The following SEMA3A variants were observed in gnomAD, a reference collection of about 807,000 sequenced individuals.
SEMA3A encodes the protein semaphorin 3A.
A neutral mutation model predicts 97.9 loss-of-function variants in SEMA3A; 29 were observed. The observed-to-expected ratio is 0.30, with a 90% CI of 0.22 to 0.40. The LOEUF is 0.40. Ranked by LOEUF, SEMA3A falls within the 10% of genes least tolerant of loss-of-function variation. SEMA3A has a pLI of 1.00. For synonymous variants in SEMA3A, 321 were observed against 323.7 expected, an observed-to-expected ratio of 0.99 and a Z score of 0.09; for missense variants, 763 against 951.3, an observed-to-expected ratio of 0.80 and a Z score of 2.60.
intron 2 of SEMA3A, among the ~76,000 whole-genome samples, chr7:84,340,775 C>G (rs370938155): frequency 7.5e-4 from 61 of 81,444 alleles, no homozygotes; most frequent in African/African-American, 2.5e-3. Flanking sequence ...AGCGAAACTC[C>G]ATCTCGGAAA....
chr7:83,987,588 G>T (rs79456473), intron 12 of SEMA3A, among the ~76,000 whole-genome samples: 6,341 of 152,174 alleles, frequency 0.042, 254 homozygotes, highest in East Asian at 0.23. Context: ...GATTTTGGCT[G>T]TTTATTTCAC....
chr7:84,418,389 G>T (rs1804490148), intron 1 of SEMA3A, among the ~76,000 whole-genome samples: 1 of 152,036 alleles, frequency 6.6e-6, no homozygotes, highest in South Asian at 2.1e-4. Flanking sequence ...TATGAGAACA[G>T]AAAGGGAAAG....
intron 4 of SEMA3A, among the ~76,000 whole-genome samples, chr7:84,067,708 C>G (rs1049797248): frequency 4.2e-4 from 64 of 152,130 alleles, no homozygotes; most frequent in Non-Finnish European, 2.6e-4. Flanking sequence ...AAATGCAAAT[C>G]AAAACCACAA....
upstream of SEMA3A, among the ~76,000 whole-genome samples, chr7:84,197,866 A>G (rs929375177): frequency 1.3e-5 from 2 of 150,274 alleles, no homozygotes; most frequent in Non-Finnish European, 2.9e-5. Context: ...CAGCCTCCCG[A>G]GTAGCTGGGA....
chr7:84,492,381 T>C (rs1214449010), intron 1 of SEMA3A: 2 of 152,100 alleles, frequency 1.3e-5, no homozygotes, highest in Non-Finnish European at 2.9e-5. Flanking sequence ...TTTTGCACAG[T>C]CTTTAGAGGA....
At position 84,014,370 on chromosome 7, in the gene SEMA3A, C is replaced by T. The variant is rs991908710; in HGVS notation, c.668-19G>A. The T allele has an allele frequency of 1.1e-5, 17 of 1,582,474 alleles. No homozygotes were observed. The highest frequency in any genetic ancestry group is 4.4e-5 in the South Asian group (4 of 89,906). On this transcript the variant is annotated intron_variant, in intron 6 of 16. Transcript: ENST00000265362. ...TTTGGATCTGAGAGACAAATAATAGCGTATATATTAATTCACAGCTTAATA... is the reference window on the plus strand; with the variant it reads ...TTTGGATCTGAGAGACAAATAATAGTGTATATATTAATTCACAGCTTAATA...
chr7:84,371,414 GT>G (rs1157379892), intron 2 of SEMA3A, among the ~76,000 whole-genome samples: 1 of 151,658 alleles, frequency 6.6e-6, no homozygotes, highest in Non-Finnish European at 1.5e-5. Context: ...GAATACTTGA[GT>G]TTTTTAGAAA....
At position 84,095,358 on chromosome 7, in the gene SEMA3A, C is replaced by CACATAT. The variant is rs1211794166; in HGVS notation, c.453+15111_453+15112insATATGT. 7.6e-3 allele frequency among the ~76,000 whole-genome samples: 935 copies of CACATAT among 122,850 alleles called. 18 individuals are homozygous for CACATAT. The highest frequency in any genetic ancestry group is 0.015 in the African/African-American group (432 of 28,984). The allele number at this position is 122,850 out of a possible 152,430, so 80.6% of individuals were successfully genotyped here. On this transcript the variant is annotated intron_variant, in intron 4 of 16. Coordinates refer to ENST00000265362, the MANE Select transcript of SEMA3A (RefSeq NM_006080.3). Reference sequence around the variant, plus strand: ...ATATATATTTTATATTTTTTATATACATATATATATATATATATATATATA... The same window carrying CACATAT: ...ATATATATTTTATATTTTTTATATACACATATATATATATATATATATATATATATA...
At chr7:84,173,972 C>A (rs1030026260) in intron 1 of SEMA3A, among the ~76,000 whole-genome samples, 1 of 152,054 alleles carries the variant, frequency 6.6e-6, no homozygotes, top group African/African-American at 2.4e-5. Flanking sequence ...GGAGCTGAGC[C>A]GGTGATGCTA....
chr7:84,159,939 A>G (rs955975978), intron 1 of SEMA3A, among the ~76,000 whole-genome samples: 2 of 152,202 alleles, frequency 1.3e-5, no homozygotes, highest in African/African-American at 4.8e-5. Flanking sequence ...TACTGAAACC[A>G]GTGTGAACAA....
chr7:84,468,631 T>C (rs903497903), intron 1 of SEMA3A, among the ~76,000 whole-genome samples: 1 of 152,140 alleles, frequency 6.6e-6, no homozygotes, highest in Non-Finnish European at 1.5e-5. Flanking sequence ...ATGTATAAAT[T>C]CTGAATGAGT....
Position 84,423,933 on chromosome 7 carries a change from C to A in SEMA3A, c.-245-52033G>T, listed in dbSNP as rs1444010780. On this transcript the variant is annotated intron_variant, in intron 1 of 3. Transcript: ENST00000424555. ...ATTATCAGGGGAATGCAAATTAAAA[C>A]CACAATGAGATAACACCTTACCCCA... is the stretch of plus-strand genomic sequence containing the variant. Among the ~76,000 whole-genome samples the A allele has an allele frequency of 1.3e-5, 2 of 151,660 alleles. 1 individual carries two copies. The highest frequency in any genetic ancestry group is 4.8e-5 in the African/African-American group (2 of 41,336).
At chr7:84,046,466 A>T (rs1792355837) in intron 5 of SEMA3A, 23 bp from the exon 6 acceptor site, 1 of 1,611,600 alleles carries the variant, frequency 6.2e-7, no homozygotes, top group African/African-American at 1.3e-5. Flanking sequence ...AAAACCACAT[A>T]CACATTCTTT....
intron 1 of SEMA3A, among the ~76,000 whole-genome samples, chr7:84,152,656 A>G (rs1796712624): frequency 6.6e-6 from 1 of 151,086 alleles, no homozygotes; most frequent in East Asian, 2.0e-4. Flanking sequence ...ACTAACCTGC[A>G]CAATGTGCAC....
intron 3 of SEMA3A, among the ~76,000 whole-genome samples, chr7:84,254,168 C>T (rs903399002): frequency 1.1e-4 from 17 of 152,060 alleles, no homozygotes; most frequent in African/African-American, 3.9e-4. Context: ...GTCTTTTATT[C>T]TAAACTTCTC....
At chr7:84,180,620 T>G (rs934549268) in intron 1 of SEMA3A, among the ~76,000 whole-genome samples, 11 of 151,754 alleles carry the variant, frequency 7.2e-5, no homozygotes, top group African/African-American at 1.9e-4. Context: ...CCCGGGAGGC[T>G]GAAGTTGCAG....
At chr7:84,122,590 A>C (rs1795660516) in intron 3 of SEMA3A, among the ~76,000 whole-genome samples, 1 of 152,204 alleles carries the variant, frequency 6.6e-6, no homozygotes, top group Non-Finnish European at 1.5e-5. Context: ...AGGTAATTCT[A>C]ATTATCCACT....
intron 1 of SEMA3A, among the ~76,000 whole-genome samples, chr7:84,183,293 C>T (rs1447671623): frequency 6.6e-6 from 1 of 152,056 alleles, no homozygotes; most frequent in Non-Finnish European, 1.5e-5. Context: ...TTCCTCTTGT[C>T]CTTGTGAAAT....
chr7:84,111,674 T>C lies in SEMA3A; in HGVS notation c.334-1085A>G, dbSNP rs145847702. On this transcript the variant is annotated intron_variant, in intron 3 of 16. Coordinates refer to ENST00000265362, the MANE Select transcript of SEMA3A (RefSeq NM_006080.3). ...TGCGAAAGTTTCTAGTTATGACTCC[T>C]CTCTCATGCTTTCCTAACATATGCT... 1.9e-3 allele frequency among the ~76,000 whole-genome samples: 292 copies of C among 152,294 alleles called. 1 individual carries two copies. The highest frequency in any genetic ancestry group is 6.7e-3 in the African/African-American group (280 of 41,574).
Sources: allele counts gnomAD v4.1 joint callset (sites outside exome capture counted in the v4.1 genomes callset), GRCh38; gene constraint gnomAD v4.1.1; transcripts MANE v1.5; gene names NCBI Gene and HGNC (gene_info 2026-07-23, HGNC 2026-07-21).